PTDSS1: variants seen among roughly 807,000 people sequenced by gnomAD.
The protein encoded by PTDSS1 is phosphatidylserine synthase 1, also known as PSS-1.
Under a neutral mutation model 70.5 loss-of-function variants are expected in PTDSS1, and 45 were observed. The ratio of observed to expected loss-of-function variants is 0.64; its 90% confidence interval spans 0.50 to 0.82. PTDSS1 has a LOEUF of 0.82. PTDSS1 is among the 40% of genes least tolerant of loss of function. PTDSS1 has a pLI of 0.00. For synonymous variants in PTDSS1, 188 were observed against 203.8 expected (o/e 0.92, Z 0.66); for missense variants, 417 against 586.1 (o/e 0.71, Z 2.98).
At position 96,333,634 on chromosome 8, in the gene PTDSS1, A is replaced by T; in HGVS notation, c.*68A>T. ...GAGAGGGAAATGGAACTCATTTGGA[A>T]CTCCCCGTGAGGAGGTCGAGGCGCA... On this transcript the variant is annotated 3_prime_UTR_variant, in exon 13 of 13. Transcript: ENST00000517309. 1 of 1,478,620 alleles carries T rather than the reference A, an allele frequency of 6.8e-7. No individual in the cohort carries two copies. The highest frequency in any genetic ancestry group is 9.5e-7 in the Non-Finnish European group (1 of 1,057,614). The allele number at this position is 1,478,620 out of a possible 1,614,324, so 91.6% of individuals were successfully genotyped here.
chr8:96,276,970 GCA>G (rs1295032798), intron 2 of PTDSS1, among the ~76,000 whole-genome samples: 13 of 115,608 alleles, frequency 1.1e-4, no homozygotes, highest in East Asian at 2.9e-4. Context: ...ATACACGCGC[GCA>G]CGCGCGCGCA....
intron 10 of PTDSS1, among the ~76,000 whole-genome samples, chr8:96,329,040 G>C (rs1353020008): frequency 6.6e-6 from 1 of 152,086 alleles, no homozygotes; most frequent in Non-Finnish European, 1.5e-5. Flanking sequence ...GAAAATGAGG[G>C]GCAATGAAAT....
chr8:96,325,458 G>T (rs1219737855), intron 10 of PTDSS1, among the ~76,000 whole-genome samples: 1 of 152,206 alleles, frequency 6.6e-6, no homozygotes, highest in East Asian at 1.9e-4. Flanking sequence ...TTTAAGGGTT[G>T]CAGTGAACCG....
intron 2 of PTDSS1, among the ~76,000 whole-genome samples, chr8:96,279,122 C>T (rs1217881737): frequency 6.6e-6 from 1 of 151,654 alleles, no homozygotes; most frequent in Non-Finnish European, 1.5e-5. Context: ...AGGTGCATGC[C>T]ACCACGCCCA....
intron 2 of PTDSS1, among the ~76,000 whole-genome samples, chr8:96,274,726 A>AAATAAT (rs529721083): frequency 1.3e-5 from 2 of 151,988 alleles, no homozygotes; most frequent in East Asian, 1.9e-4. Context: ...CTCCATCTCA[A>AAATAAT]AATAATAATA....
intron 5 of PTDSS1, 53 bp from the exon 6 acceptor site, chr8:96,299,641 A>C: frequency 6.6e-7 from 1 of 1,513,124 alleles, no homozygotes; most frequent in Non-Finnish European, 8.9e-7. Flanking sequence ...ATCTATCTGC[A>C]TGGTACCCCA....
intron 10 of PTDSS1, among the ~76,000 whole-genome samples, chr8:96,329,667 A>G (rs1183810209): frequency 6.6e-6 from 1 of 152,144 alleles, no homozygotes. Context: ...CAAGAAAAAC[A>G]AAGCAATAAA....
chr8:96,263,826 G>T (rs1233206343), intron 1 of PTDSS1, among the ~76,000 whole-genome samples: 2 of 152,210 alleles, frequency 1.3e-5, no homozygotes, highest in African/African-American at 4.8e-5. Flanking sequence ...AGTGCCGGTG[G>T]TGCCTCCCTT....
intron 10 of PTDSS1, among the ~76,000 whole-genome samples, chr8:96,322,944 C>G (rs1313356149): frequency 1.3e-5 from 2 of 152,156 alleles, no homozygotes; most frequent in African/African-American, 4.8e-5. Flanking sequence ...TGTGAAATCA[C>G]ACAGGTCGTC....
At chr8:96,332,262 T>G (rs2130191494) in intron 12 of PTDSS1, among the ~76,000 whole-genome samples, 1 of 152,326 alleles carries the variant, frequency 6.6e-6, no homozygotes, top group South Asian at 2.1e-4. Flanking sequence ...CATTGGACAG[T>G]AATTCCTCGT....
intron 9 of PTDSS1, among the ~76,000 whole-genome samples, chr8:96,317,909 G>GTGTATA (rs71267240): frequency 0.03 from 3,499 of 116,988 alleles, 63 homozygotes; most frequent in African/African-American, 0.038. Flanking sequence ...GTGTGTGTGT[G>GTGTATA]TGTGTGTGTG....
chr8:96,283,312 G>A (rs1281386387), intron 2 of PTDSS1, among the ~76,000 whole-genome samples: 2 of 152,202 alleles, frequency 1.3e-5, no homozygotes, highest in African/African-American at 2.4e-5. Flanking sequence ...GGCGTGGGTA[G>A]ACCTGCATAG....
Position 96,331,048 on chromosome 8 carries a change from G to T in PTDSS1, c.1265G>T (p.Gly422Val), listed in dbSNP as rs141163428. The T allele has an allele frequency of 4.3e-4, 691 of 1,613,374 alleles. No homozygotes were observed. Among genetic ancestry groups the T allele is most frequent in the Non-Finnish European group, 5.4e-4 (635 of 1,179,452 alleles). ...REKTYSECED[G>V]TYSPEISWHH... Reference sequence around the variant, plus strand: ...TAGACCTACTCGGAGTGTGAAGATGGCACCTACAGTCCAGAGATCTCCTGG... The same window carrying T: ...TAGACCTACTCGGAGTGTGAAGATGTCACCTACAGTCCAGAGATCTCCTGG... Residue 422 changes from glycine (G) to valine (V), a missense_variant, in exon 12 of 13, where the codon GGC becomes GTC. By Grantham distance (109) the Gly-to-Val change is moderately radical. Around this residue, in one of 3 missense-constraint regions of PTDSS1, gnomAD observed 107 missense variants for 122.3 expected, o/e 0.88. Transcript: ENST00000517309.
Position 96,306,460 on chromosome 8 carries a change from C to A in PTDSS1, c.911C>A (p.Thr304Asn), listed in dbSNP as rs762544416. 1.9e-6 allele frequency: 3 copies of A among 1,613,880 alleles called. No individual in the cohort carries two copies. Among genetic ancestry groups the A allele is most frequent in the East Asian group, 4.5e-5 (2 of 44,862 alleles). The change falls in exon 8 of 13, where the codon ACC (threonine) becomes AAC (asparagine). Residue 304 changes from threonine (T) to asparagine (N), a missense_variant. Transcript: ENST00000517309. The stretch of plus-strand genomic sequence containing the variant: ...CTTTTTCAGCTGACTGAGTTGAATA[C>A]CTTCTTCTTGAAGCATATCTTTGTG... ...MIIWQLTELNTFFLKHIFVFQ... is the reference protein window; with the variant it reads ...MIIWQLTELNNFFLKHIFVFQ...
chr8:96,283,291 G>A (rs902162229), intron 2 of PTDSS1, among the ~76,000 whole-genome samples: 1 of 152,220 alleles, frequency 6.6e-6, no homozygotes, highest in African/African-American at 2.4e-5. Flanking sequence ...GTGTAGGAAG[G>A]CTGTTCAAAA....
chr8:96,275,552 G>A (rs1810628857), intron 2 of PTDSS1, among the ~76,000 whole-genome samples: 1 of 152,122 alleles, frequency 6.6e-6, no homozygotes, highest in Non-Finnish European at 1.5e-5. Context: ...GTCTTATGTA[G>A]ACCCTCCTCT....
chr8:96,329,423 G>T (rs1303246265), intron 10 of PTDSS1, among the ~76,000 whole-genome samples: 1 of 152,184 alleles, frequency 6.6e-6, no homozygotes, highest in Non-Finnish European at 1.5e-5. Context: ...GGCAGCTGGA[G>T]ACTTTTCCTA....
Position 96,273,341 on chromosome 8 carries a change from C to T in PTDSS1, c.222C>T (p.Leu74=). ...AAGACAACATCTGGAGAGGCATCCTCTCTGTTATTTTCTTCTTTCTTATCA... is the reference window on the plus strand; with the variant it reads ...AAGACAACATCTGGAGAGGCATCCTTTCTGTTATTTTCTTCTTTCTTATCA... ...VPEDNIWRGI[L]SVIFFFLIIS... is the part of the protein sequence containing the mutation. Residue 74 remains leucine (L), a synonymous_variant, in exon 2 of 13, where the codon CTC becomes CTT. Coordinates refer to ENST00000517309, the MANE Select transcript of PTDSS1 (RefSeq NM_014754.3). 1.2e-6 allele frequency: 2 copies of T among 1,612,596 alleles called. No individual in the cohort carries two copies. The highest frequency in any genetic ancestry group is 2.2e-5 in the South Asian group (2 of 90,774).
chr8:96,261,904 C>T lies in PTDSS1; in HGVS notation c.-137C>T, dbSNP rs778466826. 2.3e-5 allele frequency: 22 copies of T among 948,690 alleles called. No individual in the cohort carries two copies. The highest frequency in any genetic ancestry group is 3.4e-5 in the African/African-American group (2 of 58,516). 58.8% of individuals were successfully genotyped at this position (948,690 alleles called of 1,614,324 possible). On this transcript the variant is annotated 5_prime_UTR_variant, in exon 1 of 13. Transcript: ENST00000517309. ...CCCGCCCTCTCGCGCCTGTCCTTCC[C>T]TCTGCTCCCAGCCTTTGCTGGGCGC... is the stretch of plus-strand genomic sequence containing the variant.
Sources: gnomAD v4.1 joint callset for allele counts (sites outside exome capture counted in the v4.1 genomes callset) on GRCh38, gnomAD v4.1.1 for gene constraint, gnomAD v4.1.1 regional missense constraint, MANE v1.5 for transcripts, NCBI Gene and HGNC (gene_info 2026-07-23, HGNC 2026-07-21) for gene names.